IL1RAPL2: variants seen among roughly 807,000 people sequenced by gnomAD.
The protein encoded by IL1RAPL2 is interleukin 1 receptor accessory protein like 2.
A neutral mutation model predicts 44.1 loss-of-function variants in IL1RAPL2; 3 were observed. The ratio of observed to expected loss-of-function variants is 0.07; its 90% CI spans 0.03 to 0.18. The LOEUF is 0.18. Among genes scored for constraint, IL1RAPL2 ranks in the 10% least tolerant of loss-of-function variants. The pLI is 1.00. For missense variants in IL1RAPL2, 391 were observed against 496.4 expected, an observed-to-expected ratio of 0.79 and a Z score of 2.02; for synonymous variants, 181 against 178.8, an observed-to-expected ratio of 1.01 and a Z score of -0.10.
At chrX:104,677,795 G>C (rs761523207) in intron 2 of IL1RAPL2, among the ~76,000 whole-genome samples, 1 of 112,148 alleles carries the variant, frequency 8.9e-6, no homozygotes, top group Admixed American at 9.3e-5. Context: ...ATTTAATCTC[G>C]TGGTGCGCCG....
At chrX:104,651,955 G>A (rs1161611673) in intron 1 of IL1RAPL2, among the ~76,000 whole-genome samples, 4 of 111,645 alleles carry the variant, frequency 3.6e-5, no homozygotes, top group Non-Finnish European at 7.5e-5. Flanking sequence ...GGATTTGAAT[G>A]TAGGTAGTTT....
At chrX:104,868,216 C>A (rs951185591) in intron 2 of IL1RAPL2, among the ~76,000 whole-genome samples, 1 of 111,855 alleles carries the variant, frequency 8.9e-6, no homozygotes, top group Non-Finnish European at 1.9e-5. Context: ...TGGAACAATG[C>A]AGTCACAAAA....
intron 6 of IL1RAPL2, among the ~76,000 whole-genome samples, chrX:105,680,638 G>A (rs1280456179): frequency 1.8e-5 from 2 of 112,039 alleles, no homozygotes; most frequent in Admixed American, 1.9e-4. Context: ...AAAAATGTTC[G>A]ATAAGAGTTT....
intron 7 of IL1RAPL2, among the ~76,000 whole-genome samples, chrX:105,729,860 CGAAGGAAGGAAGGAAAGAAGGAAG>C (rs2038386303): frequency 1.9e-5 from 1 of 52,642 alleles, no homozygotes; most frequent in Non-Finnish European, 3.4e-5. Context: ...AAGCAAGAGA[CGAAGGAAGGAAGGAAAGAAGGAAG>C]GAAGGAAGGA....
intron 2 of IL1RAPL2, among the ~76,000 whole-genome samples, chrX:104,847,087 A>G (rs1333504370): frequency 9.0e-6 from 1 of 111,269 alleles, no homozygotes; most frequent in Non-Finnish European, 1.9e-5. Flanking sequence ...TAGATTCTGG[A>G]TATTAGCCTT....
At chrX:104,702,143 C>T (rs1234587515) in intron 2 of IL1RAPL2, among the ~76,000 whole-genome samples, 1 of 111,865 alleles carries the variant, frequency 8.9e-6, no homozygotes, top group Non-Finnish European at 1.9e-5. Flanking sequence ...GTGCTCTTAG[C>T]ACCTCTAGAT....
intron 2 of IL1RAPL2, among the ~76,000 whole-genome samples, chrX:105,151,311 A>G (rs1369721070): frequency 1.8e-5 from 2 of 111,246 alleles, no homozygotes; most frequent in African/African-American, 6.5e-5. Flanking sequence ...ATTTTTTTCT[A>G]TGTGACTTGA....
chrX:105,283,427 G>T (rs2034547491), intron 5 of IL1RAPL2, among the ~76,000 whole-genome samples: 1 of 111,222 alleles, frequency 9.0e-6, no homozygotes, highest in African/African-American at 3.3e-5. Flanking sequence ...ATTTTAGAGG[G>T]AACAGCATGT....
At chrX:105,738,810 C>T (rs2038471643) in intron 7 of IL1RAPL2, among the ~76,000 whole-genome samples, 1 of 110,771 alleles carries the variant, frequency 9.0e-6, no homozygotes, top group Admixed American at 9.7e-5. Context: ...AACATCTGTT[C>T]CTGGCCATAC....
chrX:105,311,641 CATATATAT>C (rs111798589), intron 5 of IL1RAPL2, among the ~76,000 whole-genome samples: 2 of 101,535 alleles, frequency 2.0e-5, no homozygotes, highest in African/African-American at 3.6e-5. Context: ...CACACACACA[CATATATAT>C]ATATATATAC....
At chrX:104,988,331 C>G (rs771701714) in intron 2 of IL1RAPL2, among the ~76,000 whole-genome samples, 7 of 112,347 alleles carry the variant, frequency 6.2e-5, no homozygotes, top group Non-Finnish European at 9.4e-5. Flanking sequence ...TACTTGCTCA[C>G]TAAACACTAA....
At chrX:105,420,326 G>A (rs1041072746) in intron 5 of IL1RAPL2, among the ~76,000 whole-genome samples, 3 of 111,732 alleles carry the variant, frequency 2.7e-5, no homozygotes, top group African/African-American at 6.5e-5. Context: ...TACTCAATGC[G>A]GAATCCTCTT....
intron 2 of IL1RAPL2, among the ~76,000 whole-genome samples, chrX:105,050,852 A>G (rs1044838390): frequency 2.7e-5 from 3 of 112,528 alleles, no homozygotes; most frequent in African/African-American, 6.5e-5. Context: ...CTCTGCAGGC[A>G]GATTGTTCAG....
At chrX:104,695,130 C>T (rs1931155769) in intron 2 of IL1RAPL2, among the ~76,000 whole-genome samples, 1 of 112,365 alleles carries the variant, frequency 8.9e-6, no homozygotes, top group Non-Finnish European at 1.9e-5. Flanking sequence ...AGAAAATTTT[C>T]AGTGAGATGA....
chrX:105,135,108 T>C (rs949495038), intron 2 of IL1RAPL2, among the ~76,000 whole-genome samples: 2 of 110,445 alleles, frequency 1.8e-5, no homozygotes, highest in Non-Finnish European at 3.8e-5. Context: ...ATTTTCTGAG[T>C]AATACACTTA....
At chrX:104,582,576 CTTTT>C (rs1384067847) in intron 1 of IL1RAPL2, among the ~76,000 whole-genome samples, 547 of 54,503 alleles carry the variant, frequency 0.01, 12 homozygotes, top group African/African-American at 0.028. Context: ...CTCTTTCTTT[CTTTT>C]TCTTTCTTTC....
chrX:104,830,671 C>G (rs115648370), intron 2 of IL1RAPL2, among the ~76,000 whole-genome samples: 2,084 of 111,654 alleles, frequency 0.019, 52 homozygotes, highest in African/African-American at 0.064. Context: ...TAAGCTCTTC[C>G]ATTTATTATT....
intron 1 of IL1RAPL2, among the ~76,000 whole-genome samples, chrX:104,586,644 A>T (rs1408682572): frequency 3.6e-5 from 4 of 111,825 alleles, no homozygotes; most frequent in Non-Finnish European, 7.5e-5. Flanking sequence ...TTTACTGAAC[A>T]CCCACAAGAA....
chrX:104,855,681 G>GTTTTTTTTTTTTTTT (rs1556002120), intron 2 of IL1RAPL2, among the ~76,000 whole-genome samples: 2 of 53,865 alleles, frequency 3.7e-5, no homozygotes, highest in African/African-American at 6.1e-5. Context: ...ATCTGGATCC[G>GTTTTTTTTTTTTTTT]TTTTTTTTTT....
Sources: gnomAD v4.1 joint callset for allele counts (sites outside exome capture counted in the v4.1 genomes callset) on GRCh38, gnomAD v4.1.1 for gene constraint, MANE v1.5 for transcripts, NCBI Gene and HGNC (gene_info 2026-07-23, HGNC 2026-07-21) for gene names.